The following MGAT4B variants were observed in gnomAD, a reference collection of about 807,000 sequenced individuals.
The protein encoded by MGAT4B is N-acetylglucosaminyltransferase IVb.
MGAT4B carries 38 observed loss-of-function variants against 73.9 expected under a neutral mutation model. The ratio of observed to expected loss-of-function variants is 0.51; its 90% CI spans 0.40 to 0.67. The LOEUF is 0.67. Among genes scored for constraint, MGAT4B ranks in the 30% least tolerant of loss-of-function variants. The probability of loss-of-function intolerance (pLI) is 0.00; values close to 1 mark genes in which losing one functional copy is unlikely to be tolerated. For missense variants in MGAT4B, 686 were observed against 735.2 expected (o/e 0.93, Z 0.77); for synonymous variants, 373 against 313.5 (o/e 1.19, Z -2.01).
chr5:179,802,014 A>G lies in MGAT4B; in HGVS notation c.98-45T>C, dbSNP rs375660713. The G allele has an allele frequency of 2.1e-5, 34 of 1,612,854 alleles. No homozygotes were observed. In the African/African-American group the frequency reaches 4.1e-4, roughly 20 times the overall value. ...CGTCACGAGGGGGCGGTCTAGAGCC[A>G]CCCTACGGGCCCCTCCAGTGTGCCA... On this transcript the variant is annotated intron_variant, in intron 1 of 14. Transcript: ENST00000292591.
At position 179,798,292 on chromosome 5, in the gene MGAT4B, T is replaced by C. The variant is rs200647784; in HGVS notation, c.1511-15A>G. The C allele has an allele frequency of 1.9e-5, 30 of 1,612,560 alleles. No homozygotes were observed. Among genetic ancestry groups the C allele is most frequent in the Non-Finnish European group, 2.5e-5 (30 of 1,179,732 alleles). ...GTAGAAGGAGCCTGTGGGAGGGCAG[T>C]GGTGAGAGGGTGTCCCTGAACCCCA... On this transcript the variant is annotated splice_polypyrimidine_tract_variant and intron_variant, in intron 13 of 14. Coordinates refer to ENST00000292591, the MANE Select transcript of MGAT4B (RefSeq NM_014275.5).
intron 1 of MGAT4B, chr5:179,802,229 T>G: frequency 1.4e-6 from 2 of 1,444,168 alleles, no homozygotes; most frequent in Admixed American, 5.9e-5. Flanking sequence ...TGAGAAGGCA[T>G]CTGAAGTGGA....
In MGAT4B at chr5:179,797,892, G is replaced by A. The variant is rs983049839; in HGVS notation, c.*153C>T. ...GGCAGCACCAGCTCCTAGGGCCTCC[G>A]GGCCAGCGGCGGACCCCAGGCCGGC... On this transcript the variant is annotated 3_prime_UTR_variant, in exon 15 of 15. Transcript: ENST00000292591. 3.6e-5 allele frequency: 40 copies of A among 1,121,214 alleles called. No individual in the cohort carries two copies. Among genetic ancestry groups the A allele is most frequent in the East Asian group, 3.5e-4 (13 of 37,616 alleles). 69.5% of individuals were successfully genotyped at this position (1,121,214 alleles called of 1,614,324 possible). A position where few individuals can be genotyped will look rare whatever the true frequency, so the allele number is the denominator to read the frequency against.
intron 1 of MGAT4B, chr5:179,805,380 C>T (rs1305016415): frequency 6.6e-6 from 1 of 152,446 alleles, no homozygotes; most frequent in African/African-American, 2.4e-5. Flanking sequence ...CTGCCCCAGC[C>T]ATGCCTGCCC....
In MGAT4B at chr5:179,799,957, T is replaced by C; in HGVS notation, c.907A>G (p.Ile303Val). ...TCAGGTAAGGGGAGGGGCACACCAA[T>C]GAAGCCCAGCTGGGAGAACTCCAGG... Reference protein sequence around the residue: ...MILEFSQLGFIGKMFKSLDLS... With the variant: ...MILEFSQLGFVGKMFKSLDLS... The change falls in exon 8 of 15, where the codon ATT becomes GTT. Residue 303 changes from isoleucine to valine, a missense_variant. By Grantham distance (29) the Ile-to-Val change is conservative (BLOSUM62 3). This residue lies in a region of MGAT4B where 449 missense variants were observed against 536.8 expected (regional missense o/e 0.84). Transcript: ENST00000292591. The C allele has an allele frequency of 1.8e-5, 29 of 1,612,222 alleles. No individual in the cohort carries two copies. Among genetic ancestry groups the C allele is most frequent in the Non-Finnish European group, 2.5e-5 (29 of 1,178,500 alleles).
Position 179,801,899 on chromosome 5 carries a change from C to G in MGAT4B, c.168G>C (p.Glu56Asp), listed in dbSNP as rs1581977497. ...TGAGCTCCTTGGAGCGCTTGAGGCT[C>G]TCCTGCTCAGCTGCGTGCAACCGAT... The part of the protein sequence containing the change: ...LRDRLHAAEQ[E>D]SLKRSKELNL... Residue 56 changes from glutamate (E) to aspartate (D), a missense_variant, in exon 2 of 15, where the codon GAG (glutamate) becomes GAC (aspartate). By Grantham distance (45) the Glu-to-Asp change is conservative. Around this residue, in one of 2 missense-constraint regions of MGAT4B, gnomAD observed 237 missense variants for 198.5 expected, o/e 1.19. Transcript: ENST00000292591. The surrounding 1 kb of genome is among the most constrained non-coding windows in gnomAD (Gnocchi z 4.8). The G allele has an allele frequency of 6.2e-7, 1 of 1,613,306 alleles. No homozygotes were observed. Among genetic ancestry groups the G allele is most frequent in the East Asian group, 2.2e-5 (1 of 44,862 alleles).
intron 5 of MGAT4B, 42 bp downstream of exon 5, chr5:179,800,865 G>C (rs12518252): frequency 6.2e-7 from 1 of 1,605,482 alleles, no homozygotes; most frequent in Non-Finnish European, 8.5e-7. Flanking sequence ...ACCCCGCACC[G>C]AGCTCTCCCG....
rs770087871 is a variant in MGAT4B at position 179,798,398 on chromosome 5, G to A, written c.1459C>T (p.Arg487Cys). Reference protein sequence around the residue: ...QSDKEALQEGRTATLRYPRSP... With the variant: ...QSDKEALQEGCTATLRYPRSP... The stretch of plus-strand genomic sequence containing the variant: ...CGAGGGTACCGGAGGGTGGCGGTGC[G>A]GCCCTCCTGCAGGGCCTCCTTGTCT... Residue 487 changes from arginine (R) to cysteine (C), a missense_variant, in exon 13 of 15, where the codon CGC (arginine) becomes TGC (cysteine). By Grantham distance (180) the Arg-to-Cys change is radical. Coordinates refer to ENST00000292591, the MANE Select transcript of MGAT4B (RefSeq NM_014275.5). The A allele has an allele frequency of 6.8e-6, 11 of 1,612,616 alleles. No homozygotes were observed. The highest frequency in any genetic ancestry group is 1.6e-4 in the Middle Eastern group (1 of 6,062).
chr5:179,799,923 A>C (rs761709453), intron 8 of MGAT4B, 31 bp downstream of exon 8: 54 of 1,577,288 alleles, frequency 3.4e-5, no homozygotes, highest in Non-Finnish European at 4.5e-5. Context: ...GTGGGACTGA[A>C]AGGCACCGTC....
chr5:179,801,965 G>A lies in MGAT4B; in HGVS notation c.102C>T (p.Asp34=), dbSNP rs1021093943. 3 of 1,613,260 alleles carry A rather than the reference G, an allele frequency of 1.9e-6. No individual in the cohort carries two copies. Among genetic ancestry groups the A allele is most frequent in the Non-Finnish European group, 1.7e-6 (2 of 1,180,010 alleles). Residue 34 remains aspartate (D), a synonymous_variant, in exon 2 of 15, where the codon GAC becomes GAT. Transcript: ENST00000292591. The surrounding 1 kb of genome is among the most constrained non-coding windows in gnomAD (Gnocchi z 4.8). Reference sequence around the variant, plus strand: ...ACTCCCGCTGGTAAACGTCCACAACGTCGCCTGCAGGTGGTAGGCAAGCCG... The same window carrying A: ...ACTCCCGCTGGTAAACGTCCACAACATCGCCTGCAGGTGGTAGGCAAGCCG... ...WYAALSGQKG[D]VVDVYQREFL...
In MGAT4B at chr5:179,802,817, G is replaced by A. The variant is rs139556345; in HGVS notation, c.98-848C>T. ...GAGATCAACAACCTCCTGGTGGCTCGGTGCCCACAGTCCACGCAGCAGGAC... is the reference window on the plus strand; with the variant it reads ...GAGATCAACAACCTCCTGGTGGCTCAGTGCCCACAGTCCACGCAGCAGGAC... On this transcript the variant is annotated intron_variant, in intron 1 of 14. Transcript: ENST00000292591. 39 of 985,566 alleles carry A rather than the reference G, an allele frequency of 4.0e-5. No individual in the cohort carries two copies. In the East Asian group the frequency reaches 1.7e-3, roughly 43 times the overall value. 61.1% of individuals were successfully genotyped at this position (985,566 alleles called of 1,614,324 possible). A position where few individuals can be genotyped will look rare whatever the true frequency, so the allele number is the denominator to read the frequency against.
intron 1 of MGAT4B, chr5:179,802,436 C>T (rs987496318): frequency 1.3e-5 from 14 of 1,095,354 alleles, no homozygotes; most frequent in Non-Finnish European, 1.6e-5. Flanking sequence ...GCTCACCCTG[C>T]ACTGGATTCT....
rs942427797 is a variant in MGAT4B, at chr5:179,801,106, C to T, written c.559-153G>A. The stretch of plus-strand genomic sequence containing the variant: ...GGAGTAAGGGGGCCCCCAGAGACGG[C>T]CCTTTCCCTTTGGGACTCGCATGGC... On this transcript the variant is annotated intron_variant, in intron 4 of 14. Coordinates refer to ENST00000292591, the MANE Select transcript of MGAT4B (RefSeq NM_014275.5). The surrounding 1 kb of genome is among the most constrained non-coding windows in gnomAD (Gnocchi z 4.8). 4.3e-6 allele frequency: 5 copies of T among 1,166,582 alleles called. No individual in the cohort carries two copies. The Admixed American group carries it at 1.2e-4, about 27-fold the overall frequency. 72.3% of individuals were successfully genotyped at this position (1,166,582 alleles called of 1,614,324 possible). A position where few individuals can be genotyped will look rare whatever the true frequency, so the allele number is the denominator to read the frequency against.
At chr5:179,799,389 C>T in intron 9 of MGAT4B, 79 bp from the exon 10 acceptor site, 1 of 1,599,810 alleles carries the variant, frequency 6.3e-7, no homozygotes, top group African/African-American at 1.3e-5. Context: ...ACTACCAGGG[C>T]CCTCCCACAG....
chr5:179,801,146 T>C lies in MGAT4B; in HGVS notation c.558+188A>G. 2 of 1,143,390 alleles carry C rather than the reference T, an allele frequency of 1.7e-6. No homozygotes were observed. Among genetic ancestry groups the C allele is most frequent in the Non-Finnish European group, 1.2e-6 (1 of 821,418 alleles). The allele number at this position is 1,143,390 out of a possible 1,614,324, so 70.8% of individuals were successfully genotyped here. ...ACTCGCATGGCCAAGGACTAGGGGG[T>C]GGCGGGGGCGATGGGTAGGGGTAGA... is the stretch of plus-strand genomic sequence containing the variant. On this transcript the variant is annotated intron_variant, in intron 4 of 14. Transcript: ENST00000292591. This position sits in a 1 kb window ranked among gnomAD's most constrained non-coding sequence, Gnocchi z 4.8.
In MGAT4B at chr5:179,801,719, A is replaced by G. The variant is rs1294729011; in HGVS notation, c.284-25T>C. The G allele has an allele frequency of 6.2e-7, 1 of 1,600,766 alleles. No homozygotes were observed. Among genetic ancestry groups the G allele is most frequent in the East Asian group, 2.3e-5 (1 of 44,320 alleles). ...TCTGGGTGGGTCGGGAAGGATCGGG[A>G]CTGAGACCAGGGAACCTACAACCAG... On this transcript the variant is annotated intron_variant, in intron 2 of 14. Transcript: ENST00000292591. The surrounding 1 kb of genome is among the most constrained non-coding windows in gnomAD (Gnocchi z 4.8).
Position 179,800,551 on chromosome 5 carries a change from A to G in MGAT4B, c.652T>C (p.Ser218Pro), listed in dbSNP as rs766765049. 3.7e-6 allele frequency: 6 copies of G among 1,611,310 alleles called. 1 individual carries two copies. The highest frequency in any genetic ancestry group is 5.1e-6 in the Non-Finnish European group (6 of 1,179,382). Residue 218 changes from serine (S) to proline (P), a missense_variant, in exon 6 of 15, where the codon TCC (serine) becomes CCC (proline). This residue lies in a region of MGAT4B where 449 missense variants were observed against 536.8 expected (regional missense o/e 0.84). Transcript: ENST00000292591. ...GAGAAGTCAGGGTAGAAGTGGGGGG[A>G]GGGTGAGATGACCTCCAGGAGCCCA... ...HSGLLEVISP[S>P]PHFYPDFSRL...
chr5:179,800,790 C>A (rs1280484629), intron 5 of MGAT4B, 117 bp downstream of exon 5: 1 of 1,216,434 alleles, frequency 8.2e-7, no homozygotes, highest in South Asian at 1.3e-5. Flanking sequence ...CCCACCAGGT[C>A]CCTGCCTCCC....
At position 179,798,238 on chromosome 5, in the gene MGAT4B, G is replaced by A. The variant is rs1031042416; in HGVS notation, c.1550C>T (p.Pro517Leu). Residue 517 changes from proline (P) to leucine (L), a missense_variant, in exon 14 of 15, where the codon CCA (proline) becomes CTA (leucine). Pro to Leu is a moderately conservative substitution (Grantham distance 98). Transcript: ENST00000292591. Reference sequence around the variant, plus strand: ...CAGTGCTTCCAGAGGGCCGAAGGCTGGGTCCACCTCTCCCTCTGCCACTCC... The same window carrying A: ...CAGTGCTTCCAGAGGGCCGAAGGCTAGGTCCACCTCTCCCTCTGCCACTCC... Reference protein sequence around the residue: ...YKGVAEGEVDPAFGPLEALRL... With the variant: ...YKGVAEGEVDLAFGPLEALRL... 8 of 1,609,500 alleles carry A rather than the reference G, an allele frequency of 5.0e-6. No homozygotes were observed. The highest frequency in any genetic ancestry group is 1.3e-5 in the African/African-American group (1 of 75,014).
Sources: gnomAD v4.1 joint callset for allele counts on GRCh38, gnomAD v4.1.1 for gene constraint, gnomAD v4.1.1 regional missense constraint, Gnocchi (gnomAD v3.1) non-coding constraint, MANE v1.5 for transcripts, NCBI Gene and HGNC (gene_info 2026-07-23, HGNC 2026-07-21) for gene names.